Variants in EIF4G3 observed in about 807,000 individuals in gnomAD.
The protein encoded by EIF4G3 is eukaryotic translation initiation factor 4 gamma 3.
EIF4G3 carries 34 observed loss-of-function variants against 186.4 expected under a neutral mutation model. The observed-to-expected ratio is 0.18, with a 90% CI of 0.14 to 0.24. The LOEUF is 0.24. EIF4G3 is among the 10% of genes least tolerant of loss of function. The probability of loss-of-function intolerance (pLI) is 1.00; values close to 1 mark genes in which losing one functional copy is unlikely to be tolerated. For missense variants in EIF4G3, 1,536 were observed against 1,948.5 expected (o/e 0.79, Z 3.99); for synonymous variants, 673 against 679.5 (o/e 0.99, Z 0.15).
intron 35 of EIF4G3, among the ~76,000 whole-genome samples, chr1:20,812,459 T>G (rs529281485): frequency 6.6e-6 from 1 of 152,344 alleles, no homozygotes; most frequent in African/African-American, 2.4e-5. Context: ...TGAAGCTATA[T>G]TAAGTGGCAG....
chr1:20,824,974 A>T, intron 33 of EIF4G3, 126 bp downstream of exon 33: 1 of 550,542 alleles, frequency 1.8e-6, no homozygotes. Context: ...ACTTAAAAGG[A>T]CATCTTTACC....
intron 29 of EIF4G3, among the ~76,000 whole-genome samples, chr1:20,845,479 C>G (rs577150432): frequency 6.3e-4 from 96 of 152,136 alleles, no homozygotes; most frequent in East Asian, 1.9e-3. Context: ...TGGCTAACAC[C>G]GTGAAACCCC....
At chr1:21,031,384 CAAAAAA>C (rs35183246) in intron 4 of EIF4G3, among the ~76,000 whole-genome samples, 1 of 73,400 alleles carries the variant, frequency 1.4e-5, no homozygotes. Context: ...GGAATGATGG[CAAAAAA>C]AAAAAAAAAA....
At chr1:20,817,875 C>T (rs2061453361) in intron 33 of EIF4G3, among the ~76,000 whole-genome samples, 2 of 151,884 alleles carry the variant, frequency 1.3e-5, no homozygotes, top group South Asian at 2.1e-4. Context: ...GGGGTCTTGC[C>T]ATGCTGCCCA....
At chr1:21,086,146 G>A (rs1481505864) in intron 3 of EIF4G3, among the ~76,000 whole-genome samples, 3 of 147,836 alleles carry the variant, frequency 2.0e-5, no homozygotes, top group African/African-American at 7.5e-5. Flanking sequence ...TACAATAGGT[G>A]TTACTGAGCC....
chr1:20,897,187 T>C (rs923649460), intron 16 of EIF4G3, among the ~76,000 whole-genome samples: 20 of 152,244 alleles, frequency 1.3e-4, no homozygotes, highest in African/African-American at 4.8e-4. Flanking sequence ...CCCTTCTAAA[T>C]ACCTTTGAGT....
At chr1:21,107,889 T>C (rs2096644898) in intron 2 of EIF4G3, among the ~76,000 whole-genome samples, 1 of 152,242 alleles carries the variant, frequency 6.6e-6, no homozygotes, top group Non-Finnish European at 1.5e-5. Flanking sequence ...GGCTTGTGCC[T>C]GCGATCCCAG....
At chr1:21,084,428 T>C (rs1212803406) in intron 3 of EIF4G3, among the ~76,000 whole-genome samples, 1 of 151,690 alleles carries the variant, frequency 6.6e-6, no homozygotes, top group African/African-American at 2.4e-5. Flanking sequence ...TCATGAAAAA[T>C]CATTCACTAT....
At position 20,860,342 on chromosome 1, in the gene EIF4G3, G is replaced by C. The variant is rs758669210; in HGVS notation, c.3244+43C>G. 4.3e-6 allele frequency: 7 copies of C among 1,610,342 alleles called. No homozygotes were observed. The East Asian group carries it at 1.3e-4, about 31-fold the overall frequency. ...TACATAATTCTTAATATGTATTCCT[G>C]AAACTTCCAAGTTCTCTAAACCCTG... On this transcript the variant is annotated intron_variant, in intron 24 of 36. Transcript: ENST00000602326.
chr1:20,972,599 C>A (rs2076112352), intron 11 of EIF4G3, among the ~76,000 whole-genome samples: 1 of 151,864 alleles, frequency 6.6e-6, no homozygotes, highest in African/African-American at 2.4e-5. Flanking sequence ...CGCGCCACTG[C>A]ACTCCAGCTT....
At chr1:21,150,939 G>C (rs942687013) in intron 2 of EIF4G3, among the ~76,000 whole-genome samples, 1 of 152,158 alleles carries the variant, frequency 6.6e-6, no homozygotes, top group African/African-American at 2.4e-5. Context: ...TCATACCACT[G>C]CACTCCAGGC....
intron 2 of EIF4G3, among the ~76,000 whole-genome samples, chr1:21,150,330 A>G (rs1320050066): frequency 6.6e-6 from 1 of 152,202 alleles, no homozygotes; most frequent in African/African-American, 2.4e-5. Context: ...TGTTGCAATA[A>G]TATGCCATGT....
chr1:20,960,591 A>C (rs2154564577), intron 12 of EIF4G3, among the ~76,000 whole-genome samples: 1 of 152,166 alleles, frequency 6.6e-6, no homozygotes, highest in Non-Finnish European at 1.5e-5. Context: ...ATCTTTACTG[A>C]AAATAAAAAA....
At chr1:21,059,978 G>T (rs2094801470) in intron 3 of EIF4G3, among the ~76,000 whole-genome samples, 1 of 152,180 alleles carries the variant, frequency 6.6e-6, no homozygotes, top group Admixed American at 6.5e-5. Context: ...TTAAGACAGG[G>T]TCTGTATCAC....
At chr1:20,829,544 C>A (rs1275161185) in intron 30 of EIF4G3, among the ~76,000 whole-genome samples, 1 of 152,046 alleles carries the variant, frequency 6.6e-6, no homozygotes, top group Non-Finnish European at 1.5e-5. Flanking sequence ...TCAGAAAATA[C>A]CTCCATATAA....
At chr1:21,083,037 C>CAAAAAAAAAAAAAAAAAAA (rs544781256) in intron 3 of EIF4G3, among the ~76,000 whole-genome samples, 5 of 66,424 alleles carry the variant, frequency 7.5e-5, no homozygotes, top group East Asian at 1.1e-3. Context: ...GACTCTGTCT[C>CAAAAAAAAAAAAAAAAAAA]AAAAAAAAAA....
intron 14 of EIF4G3, among the ~76,000 whole-genome samples, chr1:20,930,928 A>G: frequency 6.6e-6 from 1 of 151,842 alleles, no homozygotes; most frequent in East Asian, 1.9e-4. Context: ...TGAACTTTGA[A>G]GTTCTGAGCT....
chr1:21,166,893 C>CA (rs2097864291), intron 2 of EIF4G3, among the ~76,000 whole-genome samples: 1 of 151,986 alleles, frequency 6.6e-6, no homozygotes, highest in African/African-American at 2.4e-5. Flanking sequence ...GCAATCCTCC[C>CA]ACCTTAGCCT....
intron 4 of EIF4G3, among the ~76,000 whole-genome samples, chr1:21,007,239 A>G (rs2085352477): frequency 6.6e-6 from 1 of 152,042 alleles, no homozygotes; most frequent in Admixed American, 6.6e-5. Context: ...CTCTACTAAA[A>G]ATACAAAAAT....
Sources: allele counts gnomAD v4.1 joint callset (sites outside exome capture counted in the v4.1 genomes callset), GRCh38; gene constraint gnomAD v4.1.1; transcripts MANE v1.5; gene names NCBI Gene and HGNC (gene_info 2026-07-23, HGNC 2026-07-21).